The following EMP1 variants were observed in gnomAD, a reference collection of about 807,000 sequenced individuals.
The protein encoded by EMP1 is tumor-associated membrane protein.
A neutral mutation model predicts 15.7 loss-of-function variants in EMP1; 5 were observed. The observed-to-expected ratio is 0.32, with a 90% CI of 0.17 to 0.67. The LOEUF is 0.67. Ranked by LOEUF, EMP1 falls within the 30% of genes least tolerant of loss-of-function variation. The pLI is 0.74. For synonymous variants in EMP1, 78 were observed against 76.7 expected, an observed-to-expected ratio of 1.02 and a Z score of -0.09; for missense variants, 166 against 194.2, an observed-to-expected ratio of 0.85 and a Z score of 0.86.
rs1325114928 is a variant in EMP1, at chr12:13,216,649, G to C, written c.*1958G>C. The C allele has an allele frequency of 3.4e-6, 2 of 596,766 alleles. No individual in the cohort carries two copies. Among genetic ancestry groups the C allele is most frequent in the Non-Finnish European group, 5.9e-6 (2 of 338,018 alleles). The allele number at this position is 596,766 out of a possible 1,614,324, so 37.0% of individuals were successfully genotyped here. On this transcript the variant is annotated 3_prime_UTR_variant, in exon 5 of 5. Coordinates refer to ENST00000256951, the MANE Select transcript of EMP1 (RefSeq NM_001423.3). ...GTCTCATGTAATTTGCATTACTCTG[G>C]TGGATTGTTCTAGTACTGTATTGGG... is the stretch of plus-strand genomic sequence containing the variant.
intron 4 of EMP1, 75 bp from the exon 5 acceptor site, chr12:13,214,459 T>G: frequency 1.9e-6 from 3 of 1,567,506 alleles, no homozygotes; most frequent in Non-Finnish European, 2.6e-6. Context: ...AAATAGGATC[T>G]TCTTAAAATT....
rs1201097417 is a variant in EMP1 at position 13,218,571 on chromosome 12, A to G, written c.*3880A>G. ...CTTTAAAGATGTATCATTTGGAGGT[A>G]GACACGATTTTCAGAGCACAAAACA... is the stretch of plus-strand genomic sequence containing the variant. On this transcript the variant is annotated 3_prime_UTR_variant, in exon 5 of 5. Transcript: ENST00000256951. 1.3e-5 allele frequency: 2 copies of G among 152,180 alleles called. No individual in the cohort carries two copies. Among genetic ancestry groups the G allele is most frequent in the Non-Finnish European group, 2.9e-5 (2 of 68,042 alleles). 9.4% of individuals were successfully genotyped at this position (152,180 alleles called of 1,614,324 possible).
intron 4 of EMP1, 185 bp from the exon 5 acceptor site, chr12:13,214,349 A>C (rs1022472430): frequency 3.9e-6 from 3 of 765,866 alleles, no homozygotes; most frequent in Admixed American, 5.8e-5. Context: ...AGACACCTCT[A>C]ATTTATCAAC....
rs1020792599 is a variant in EMP1, at chr12:13,215,891, A to G, written c.*1200A>G. 1 of 158,042 alleles carries G rather than the reference A, an allele frequency of 6.3e-6. No homozygotes were observed. The highest frequency in any genetic ancestry group is 1.4e-5 in the Non-Finnish European group (1 of 71,288). The allele number at this position is 158,042 out of a possible 1,614,324, so 9.8% of individuals were successfully genotyped here. A position where few individuals can be genotyped will look rare whatever the true frequency, so the allele number is the denominator to read the frequency against. On this transcript the variant is annotated 3_prime_UTR_variant, in exon 5 of 5. Coordinates refer to ENST00000256951, the MANE Select transcript of EMP1 (RefSeq NM_001423.3). ...AATTGTGAAGTATTAAGCCTACCGTATTTCAGCCATGATAAGAACAGAGTG... is the reference window on the plus strand; with the variant it reads ...AATTGTGAAGTATTAAGCCTACCGTGTTTCAGCCATGATAAGAACAGAGTG...
chr12:13,218,054 C>G lies in EMP1; in HGVS notation c.*3363C>G, dbSNP rs1864230256. On this transcript the variant is annotated 3_prime_UTR_variant, in exon 5 of 5. Transcript: ENST00000256951. ...TAAATACTCTTAGGTGAAATTTGTG[C>G]AAATTATGAGTATAAAGAGGGTGAG... The G allele has an allele frequency of 1.3e-5, 2 of 152,116 alleles. No homozygotes were observed. The highest frequency in any genetic ancestry group is 4.8e-5 in the African/African-American group (2 of 41,410). 9.4% of individuals were successfully genotyped at this position (152,116 alleles called of 1,614,324 possible).
rs1280448952 is a variant in EMP1 at position 13,218,157 on chromosome 12, T to G, written c.*3466T>G. 6.6e-6 allele frequency: 1 copy of G among 152,150 alleles called. No homozygotes were observed. Among genetic ancestry groups the G allele is most frequent in the Non-Finnish European group, 1.5e-5 (1 of 68,032 alleles). 9.4% of individuals were successfully genotyped at this position (152,150 alleles called of 1,614,324 possible). Reference sequence around the variant, plus strand: ...CTTATTCATTCATCAAGGGATAAACTTGAGTTATCAAATGGTTAATAGATA... The same window carrying G: ...CTTATTCATTCATCAAGGGATAAACGTGAGTTATCAAATGGTTAATAGATA... On this transcript the variant is annotated 3_prime_UTR_variant, in exon 5 of 5. Transcript: ENST00000256951.
chr12:13,199,225 A>C (rs189237709), intron 1 of EMP1: 2 of 152,436 alleles, frequency 1.3e-5, no homozygotes, highest in African/African-American at 4.8e-5. Context: ...CCTTCTGTGG[A>C]GAGTGGAAAG....
At chr12:13,204,257 C>T (rs533610554) in intron 1 of EMP1, among the ~76,000 whole-genome samples, 1 of 152,104 alleles carries the variant, frequency 6.6e-6, no homozygotes, top group African/African-American at 2.4e-5. Context: ...GAAATTAATC[C>T]CCTGCTTTCC....
intron 2 of EMP1, 179 bp from the exon 3 acceptor site, chr12:13,213,300 T>C: frequency 1.6e-6 from 1 of 626,844 alleles, no homozygotes; most frequent in East Asian, 2.8e-5. Context: ...CTTGGCAACT[T>C]TGTGAACTTC....
chr12:13,211,099 A>C lies in EMP1; in HGVS notation c.-42-370A>C, dbSNP rs1864160810. 6.6e-6 allele frequency among the ~76,000 whole-genome samples: 1 copy of C among 152,238 alleles called. No homozygotes were observed. Among genetic ancestry groups the C allele is most frequent in the Non-Finnish European group, 1.5e-5 (1 of 68,034 alleles). The stretch of plus-strand genomic sequence containing the variant: ...ATTGTTCAGAGACCTGGAAATTATA[A>C]AGGCCTACTTCTTTGAAAATCAAAG... On this transcript the variant is annotated intron_variant, in intron 1 of 4. Transcript: ENST00000256951. The surrounding 1 kb of genome is among the most constrained non-coding windows in gnomAD (Gnocchi z 4.7).
intron 1 of EMP1, chr12:13,209,684 T>C (rs141391392): frequency 6.6e-6 from 1 of 152,276 alleles, no homozygotes; most frequent in Non-Finnish European, 1.5e-5. Flanking sequence ...ACTTTCTAAA[T>C]GAGGAAACAG....
intron 1 of EMP1, among the ~76,000 whole-genome samples, chr12:13,197,419 C>A (rs1354788843): frequency 1.3e-5 from 2 of 152,138 alleles, no homozygotes; most frequent in Non-Finnish European, 2.9e-5. Flanking sequence ...CTATTCACTT[C>A]TGTTTAAATT....
intron 1 of EMP1, among the ~76,000 whole-genome samples, chr12:13,210,814 C>T (rs1438829497): frequency 6.6e-6 from 1 of 152,238 alleles, no homozygotes; most frequent in African/African-American, 2.4e-5. Context: ...GTCTGAAATG[C>T]TCAGTCACAG....
chr12:13,213,025 T>A (rs1864180439), intron 2 of EMP1, among the ~76,000 whole-genome samples: 2 of 152,366 alleles, frequency 1.3e-5, no homozygotes, highest in South Asian at 2.1e-4. Flanking sequence ...TCCCAGTAGG[T>A]CTTATGTTTC....
intron 4 of EMP1, 96 bp from the exon 5 acceptor site, chr12:13,214,438 G>T (rs982873012): frequency 8.6e-6 from 13 of 1,507,264 alleles, no homozygotes; most frequent in African/African-American, 2.8e-5. Context: ...TTTTCCTATT[G>T]CTAATGAGGG....
chr12:13,216,673 G>A lies in EMP1; in HGVS notation c.*1982G>A. ...GGTGGATTGTTCTAGTACTGTATTGGGCTTCTTCGTTAATAGATTATTTCA... is the reference window on the plus strand; with the variant it reads ...GGTGGATTGTTCTAGTACTGTATTGAGCTTCTTCGTTAATAGATTATTTCA... On this transcript the variant is annotated 3_prime_UTR_variant, in exon 5 of 5. Transcript: ENST00000256951. 2 of 503,780 alleles carry A rather than the reference G, an allele frequency of 4.0e-6. No individual in the cohort carries two copies. Among genetic ancestry groups the A allele is most frequent in the Non-Finnish European group, 3.5e-6 (1 of 288,546 alleles). 31.2% of individuals were successfully genotyped at this position (503,780 alleles called of 1,614,324 possible). A position where few individuals can be genotyped will look rare whatever the true frequency, so the allele number is the denominator to read the frequency against.
rs1435597079 is a variant in EMP1 at position 13,206,712 on chromosome 12, A to G, written c.-42-4757A>G. Among the ~76,000 whole-genome samples the G allele has an allele frequency of 2.0e-5, 3 of 152,200 alleles. No homozygotes were observed. The East Asian group carries it at 5.8e-4, about 29-fold the overall frequency. ...TCCTAGGTTAGCAATCAGGGAACCA[A>G]ATTATGCACCTCTAAACTTCCCTTC... On this transcript the variant is annotated intron_variant, in intron 1 of 4. Transcript: ENST00000256951.
intron 1 of EMP1, among the ~76,000 whole-genome samples, chr12:13,206,878 C>T (rs1369191856): frequency 6.6e-6 from 1 of 151,802 alleles, no homozygotes; most frequent in Non-Finnish European, 1.5e-5. Flanking sequence ...ACAAAGGCAA[C>T]AAGGCAATGC....
Position 13,211,484 on chromosome 12 carries a change from C to A in EMP1, c.-27C>A, listed in dbSNP as rs760701186. ...TTCTTTTCAGAACTCTCTTTGCTCA[C>A]AAGTTACCAAAAAAAAAAGAGCCAA... On this transcript the variant is annotated 5_prime_UTR_variant, in exon 2 of 5. Coordinates refer to ENST00000256951, the MANE Select transcript of EMP1 (RefSeq NM_001423.3). The surrounding 1 kb of genome is among the most constrained non-coding windows in gnomAD (Gnocchi z 4.7). The A allele has an allele frequency of 2.5e-6, 4 of 1,608,742 alleles. No homozygotes were observed. Among genetic ancestry groups the A allele is most frequent in the Non-Finnish European group, 3.4e-6 (4 of 1,177,846 alleles).
Sources: gnomAD v4.1 joint callset for allele counts (sites outside exome capture counted in the v4.1 genomes callset) on GRCh38, gnomAD v4.1.1 for gene constraint, Gnocchi (gnomAD v3.1) non-coding constraint, MANE v1.5 for transcripts, NCBI Gene and HGNC (gene_info 2026-07-23, HGNC 2026-07-21) for gene names.